The following SMIM41 variants were observed in gnomAD, a reference collection of about 807,000 sequenced individuals.
SMIM41 encodes the protein small integral membrane protein 41.
intron 2 of SMIM41, chr12:52,104,039 T>A (rs1344317504): frequency 6.6e-6 from 1 of 151,966 alleles, no homozygotes; most frequent in East Asian, 1.9e-4. Context: ...CCATTCTATA[T>A]GAAATAATAT....
chr12:52,081,904 T>G lies in SMIM41; in HGVS notation c.*120+1723T>G, dbSNP rs1345291807. The G allele has an allele frequency of 6.6e-6, 1 of 152,296 alleles. No individual in the cohort carries two copies. Among genetic ancestry groups the G allele is most frequent in the Non-Finnish European group, 1.5e-5 (1 of 68,088 alleles). 9.4% of individuals were successfully genotyped at this position (152,296 alleles called of 1,614,324 possible). A position where few individuals can be genotyped will look rare whatever the true frequency, so the allele number is the denominator to read the frequency against. ...GCACTTGGGGGCCCCTCTCACTCTGTCCTCTTCCCTTCCCTGCTTTCTCAT... is the reference window on the plus strand; with the variant it reads ...GCACTTGGGGGCCCCTCTCACTCTGGCCTCTTCCCTTCCCTGCTTTCTCAT... On this transcript the variant is annotated intron_variant, in intron 1 of 2. Transcript: ENST00000546390. The surrounding 1 kb of genome is among the most constrained non-coding windows in gnomAD (Gnocchi z 4.1).
intron 2 of SMIM41, among the ~76,000 whole-genome samples, chr12:52,101,789 C>T (rs987581040): frequency 1.7e-4 from 26 of 151,946 alleles, no homozygotes; most frequent in African/African-American, 4.6e-4. Flanking sequence ...CTTGGCTCAC[C>T]GCAACCTCTG....
chr12:52,096,720 C>A (rs1270647001), intron 2 of SMIM41, among the ~76,000 whole-genome samples: 1 of 151,140 alleles, frequency 6.6e-6, no homozygotes, highest in East Asian at 1.9e-4. Flanking sequence ...TCATTATTAT[C>A]GGTAGTGATT....
rs190504097 is a variant in SMIM41 at position 52,086,139 on chromosome 12, C to T, written c.*195+2171C>T. ...GTGCTCAGGGATGGGGGAGGGAGCC[C>T]GAGGAGTGGGCTCTCTTGGCAGTTG... On this transcript the variant is annotated intron_variant, in intron 2 of 2. Coordinates refer to ENST00000546390, the MANE Select transcript of SMIM41 (RefSeq NM_001369216.1). Among the ~76,000 whole-genome samples the T allele has an allele frequency of 2.7e-4, 41 of 152,188 alleles. 1 individual carries two copies. The South Asian group carries it at 7.1e-3, about 26-fold the overall frequency.
chr12:52,097,009 AT>A (rs1940109373), intron 2 of SMIM41, among the ~76,000 whole-genome samples: 1 of 151,922 alleles, frequency 6.6e-6, no homozygotes, highest in African/African-American at 2.4e-5. Context: ...ACCCTGTGAT[AT>A]TGTCCCTAAT....
At chr12:52,104,185 C>A (rs1320390715) in intron 2 of SMIM41, 1 of 151,332 alleles carries the variant, frequency 6.6e-6, no homozygotes, top group Non-Finnish European at 1.5e-5. Flanking sequence ...AGAGGAAGAG[C>A]CCCAAAGCTT....
At chr12:52,102,359 A>T (rs912925382) in intron 2 of SMIM41, among the ~76,000 whole-genome samples, 1 of 152,256 alleles carries the variant, frequency 6.6e-6, no homozygotes, top group African/African-American at 2.4e-5. Flanking sequence ...CATAGGCAAC[A>T]AAAGAAAATT....
chr12:52,092,565 A>G (rs541283429), intron 2 of SMIM41: 147 of 152,370 alleles, frequency 9.6e-4, no homozygotes, highest in African/African-American at 3.4e-3. Context: ...TCTAAAAGGG[A>G]GAGGATTTCA....
At chr12:52,086,247 G>GCAGC (rs1181070000) in intron 2 of SMIM41, among the ~76,000 whole-genome samples, 1 of 152,062 alleles carries the variant, frequency 6.6e-6, no homozygotes, top group Non-Finnish European at 1.5e-5. Context: ...GAGGGGACCT[G>GCAGC]CAGCCTGGGA....
At chr12:52,100,606 G>A (rs545185476) in intron 2 of SMIM41, among the ~76,000 whole-genome samples, 120 of 150,236 alleles carry the variant, frequency 8.0e-4, no homozygotes, top group African/African-American at 2.7e-3. Flanking sequence ...ACAGGCATGC[G>A]CTACCGCGCC....
intron 2 of SMIM41, among the ~76,000 whole-genome samples, chr12:52,093,858 C>T (rs11503935): frequency 0.14 from 20,598 of 151,938 alleles, 3,287 homozygotes; most frequent in African/African-American, 0.39. Context: ...GGGTGGGGCG[C>T]GGTGGCTCAC....
chr12:52,097,469 T>G lies in SMIM41; in HGVS notation c.*196-9910T>G, dbSNP rs1339237835. Among the ~76,000 whole-genome samples, 6 of 151,796 alleles carry G rather than the reference T, an allele frequency of 4.0e-5. No individual in the cohort carries two copies. In the East Asian group the frequency reaches 1.2e-3, roughly 30 times the overall value. Reference sequence around the variant, plus strand: ...AGCCACATCGCTGGGGTGTGGACACTCCCCGCTGATGCGCAGAGTGATATC... The same window carrying G: ...AGCCACATCGCTGGGGTGTGGACACGCCCCGCTGATGCGCAGAGTGATATC... On this transcript the variant is annotated intron_variant, in intron 2 of 2. Transcript: ENST00000546390.
In SMIM41 at chr12:52,107,568, C is replaced by G; in HGVS notation, c.*385C>G. ...CGGTTTCACCTCCACCACGGTCCCC[C>G]AGATGACTGTGGACATCCAGTCTCG... On this transcript the variant is annotated 3_prime_UTR_variant, in exon 3 of 3. Coordinates refer to ENST00000546390, the MANE Select transcript of SMIM41 (RefSeq NM_001369216.1). The G allele has an allele frequency of 1.5e-5, 12 of 801,454 alleles. No homozygotes were observed. The highest frequency in any genetic ancestry group is 2.5e-5 in the Non-Finnish European group (12 of 477,050). The allele number at this position is 801,454 out of a possible 1,614,324, so 49.6% of individuals were successfully genotyped here. A position where few individuals can be genotyped will look rare whatever the true frequency, so the allele number is the denominator to read the frequency against.
intron 2 of SMIM41, among the ~76,000 whole-genome samples, chr12:52,104,721 C>G (rs1177861829): frequency 2.0e-5 from 3 of 152,094 alleles, no homozygotes; most frequent in Admixed American, 2.0e-4. Context: ...GCTTTCCTCC[C>G]CCACTGGTTG....
chr12:52,097,799 C>T (rs1940126559), intron 2 of SMIM41, among the ~76,000 whole-genome samples: 1 of 152,006 alleles, frequency 6.6e-6, no homozygotes, highest in Non-Finnish European at 1.5e-5. Context: ...TCTCTCTACC[C>T]CTGGATATTA....
intron 2 of SMIM41, among the ~76,000 whole-genome samples, chr12:52,090,410 G>C (rs1939978535): frequency 7.0e-6 from 1 of 143,308 alleles, no homozygotes; most frequent in African/African-American, 2.6e-5. Flanking sequence ...GCAAAGACCT[G>C]AATGAGAATG....
chr12:52,084,543 C>A (rs1471169525), intron 2 of SMIM41, among the ~76,000 whole-genome samples: 1 of 152,190 alleles, frequency 6.6e-6, no homozygotes, highest in African/African-American at 2.4e-5. Flanking sequence ...AGAATGAGAG[C>A]TCTGCTGGGA....
intron 2 of SMIM41, among the ~76,000 whole-genome samples, chr12:52,090,116 G>A (rs1031241461): frequency 1.6e-4 from 24 of 152,244 alleles, no homozygotes; most frequent in African/African-American, 5.1e-4. Context: ...TGTTGCCAAG[G>A]CTGAAGTGTG....
chr12:52,097,103 G>T (rs1213789786), intron 2 of SMIM41, among the ~76,000 whole-genome samples: 1 of 151,960 alleles, frequency 6.6e-6, no homozygotes, highest in Non-Finnish European at 1.5e-5. Context: ...TGATGTCCGG[G>T]GTAGAGAAAA....
Sources: allele counts gnomAD v4.1 joint callset (sites outside exome capture counted in the v4.1 genomes callset), GRCh38; gene constraint gnomAD v4.1.1; non-coding constraint Gnocchi (gnomAD v3.1); transcripts MANE v1.5; gene names NCBI Gene and HGNC (gene_info 2026-07-23, HGNC 2026-07-21).